The following LRRFIP2 variants were observed in gnomAD, a reference collection of about 807,000 sequenced individuals.
LRRFIP2 encodes the protein leucine-rich repeat flightless-interacting protein 2.
A neutral mutation model predicts 125.9 loss-of-function variants in LRRFIP2; 109 were observed. The observed-to-expected ratio is 0.87, with a 90% CI of 0.74 to 1.01. The LOEUF (loss-of-function observed/expected upper bound fraction) is 1.01, where lower values mean the gene tolerates loss of function less well. LRRFIP2 is among the 50% of genes least tolerant of loss of function. The pLI is 0.00. For missense variants in LRRFIP2, 850 were observed against 862.3 expected (o/e 0.99, Z 0.18); for synonymous variants, 291 against 293.1 (o/e 0.99, Z 0.07).
At chr3:37,126,104 C>T (rs1266448085) in intron 4 of LRRFIP2, among the ~76,000 whole-genome samples, 1 of 152,206 alleles carries the variant, frequency 6.6e-6, no homozygotes, top group Non-Finnish European at 1.5e-5. Context: ...TCTTGGCTTA[C>T]TGCAACCTCC....
chr3:37,094,987 G>C, intron 16 of LRRFIP2, 79 bp from the exon 17 acceptor site: 1 of 886,574 alleles, frequency 1.1e-6, no homozygotes, highest in Non-Finnish European at 1.9e-6. Context: ...ACAGGGCAGG[G>C]TGGTTGGGGG....
chr3:37,110,848 G>T, intron 9 of LRRFIP2, 143 bp downstream of exon 9: 1 of 630,072 alleles, frequency 1.6e-6, no homozygotes. Flanking sequence ...GACTCCCACA[G>T]ACTATATAAA....
rs1036211331 is a variant in LRRFIP2, at chr3:37,129,232, A to G, written c.91-83T>C. 9.5e-5 allele frequency: 110 copies of G among 1,161,282 alleles called. 2 individuals carry two copies. In the East Asian group the frequency reaches 1.9e-3, roughly 20 times the overall value. The allele number at this position is 1,161,282 out of a possible 1,614,324, so 71.9% of individuals were successfully genotyped here. A position where few individuals can be genotyped will look rare whatever the true frequency, so the allele number is the denominator to read the frequency against. ...CAGATTTGAAAATAAAGAATGGGAC[A>G]TTACCACGCAAAAGGGGTGGGCAGG... On this transcript the variant is annotated intron_variant, in intron 2 of 27. Coordinates refer to ENST00000336686, the MANE Select transcript of LRRFIP2 (RefSeq NM_006309.4).
At chr3:37,116,587 A>ATGTGTATACTGACTTATGG (rs1462423107) in intron 6 of LRRFIP2, among the ~76,000 whole-genome samples, 1 of 152,170 alleles carries the variant, frequency 6.6e-6, no homozygotes, top group Non-Finnish European at 1.5e-5. Context: ...ATGAATCTTC[A>ATGTGTATACTGACTTATGG]TGTGTATACT....
At position 37,096,608 on chromosome 3, in the gene LRRFIP2, A is replaced by G. The variant is rs1453771966; in HGVS notation, c.918+8T>C. On this transcript the variant is annotated splice_region_variant and intron_variant, in intron 16 of 27. Transcript: ENST00000336686. Reference sequence around the variant, plus strand: ...TTGAGAATTTCCCTTAGGAATTTACATACTCACTCTTGTATAATTTTCAGC... The same window carrying G: ...TTGAGAATTTCCCTTAGGAATTTACGTACTCACTCTTGTATAATTTTCAGC... 4 of 1,521,582 alleles carry G rather than the reference A, an allele frequency of 2.6e-6. No individual in the cohort carries two copies. Among genetic ancestry groups the G allele is most frequent in the Non-Finnish European group, 3.6e-6 (4 of 1,107,484 alleles). 94.3% of individuals were successfully genotyped at this position (1,521,582 alleles called of 1,614,324 possible). A position where few individuals can be genotyped will look rare whatever the true frequency, so the allele number is the denominator to read the frequency against.
At chr3:37,153,495 C>T (rs2096088780) in intron 1 of LRRFIP2, among the ~76,000 whole-genome samples, 1 of 152,142 alleles carries the variant, frequency 6.6e-6, no homozygotes, top group South Asian at 2.1e-4. Context: ...ACTACTGAGA[C>T]ACTAATCTGA....
intron 25 of LRRFIP2, among the ~76,000 whole-genome samples, chr3:37,056,859 A>C (rs1442871862): frequency 6.6e-6 from 1 of 152,096 alleles, no homozygotes; most frequent in East Asian, 1.9e-4. Flanking sequence ...CTGATTTTTA[A>C]ATTGTTATCC....
intron 17 of LRRFIP2, among the ~76,000 whole-genome samples, chr3:37,092,812 G>A (rs1445574493): frequency 6.6e-6 from 1 of 151,960 alleles, no homozygotes; most frequent in African/African-American, 2.4e-5. Flanking sequence ...ATTTTCACAA[G>A]TAAGACTCCT....
chr3:37,169,178 T>C (rs1342140701), intron 1 of LRRFIP2, among the ~76,000 whole-genome samples: 1 of 152,176 alleles, frequency 6.6e-6, no homozygotes, highest in Non-Finnish European at 1.5e-5. Context: ...AATTACCTAA[T>C]GATGCATTTC....
At chr3:37,153,293 A>C (rs1042919110) in intron 1 of LRRFIP2, among the ~76,000 whole-genome samples, 29 of 152,120 alleles carry the variant, frequency 1.9e-4, no homozygotes, top group African/African-American at 6.3e-4. Context: ...TGGGAGGCTG[A>C]GGTGCAAGAA....
At chr3:37,079,426 A>G (rs966447383) in intron 19 of LRRFIP2, among the ~76,000 whole-genome samples, 1 of 152,218 alleles carries the variant, frequency 6.6e-6, no homozygotes, top group Non-Finnish European at 1.5e-5. Flanking sequence ...TCCACTCCCA[A>G]GTATATACTT....
At chr3:37,087,411 G>A (rs1199231023) in intron 18 of LRRFIP2, among the ~76,000 whole-genome samples, 1 of 152,026 alleles carries the variant, frequency 6.6e-6, no homozygotes, top group East Asian at 1.9e-4. Context: ...GATAGCTCAA[G>A]TACTAGATGC....
chr3:37,077,230 G>A (rs1409120718), intron 19 of LRRFIP2, among the ~76,000 whole-genome samples: 2 of 152,182 alleles, frequency 1.3e-5, no homozygotes, highest in Admixed American at 6.5e-5. Flanking sequence ...TATGCAGTAT[G>A]TTATTTCTAC....
intron 14 of LRRFIP2, among the ~76,000 whole-genome samples, chr3:37,103,799 C>T (rs2094189327): frequency 1.3e-5 from 2 of 152,160 alleles, no homozygotes. Flanking sequence ...TCTTTACTAG[C>T]TTATTTTCCA....
At chr3:37,163,130 C>T (rs1017558002) in intron 1 of LRRFIP2, among the ~76,000 whole-genome samples, 1 of 152,144 alleles carries the variant, frequency 6.6e-6, no homozygotes, top group Non-Finnish European at 1.5e-5. Context: ...CAAACTTTCC[C>T]AATGACTTAT....
intron 18 of LRRFIP2, among the ~76,000 whole-genome samples, chr3:37,086,203 T>A (rs2093035284): frequency 6.6e-6 from 1 of 152,164 alleles, no homozygotes; most frequent in South Asian, 2.1e-4. Context: ...CTATAATCTA[T>A]AATCAAAAAT....
chr3:37,101,250 G>C (rs1170963261), intron 15 of LRRFIP2, among the ~76,000 whole-genome samples: 2 of 151,874 alleles, frequency 1.3e-5, no homozygotes, highest in East Asian at 1.9e-4. Context: ...CCAGCTACTC[G>C]GGAGGCTGAG....
At chr3:37,137,373 C>A (rs896757263) in intron 2 of LRRFIP2, among the ~76,000 whole-genome samples, 1 of 152,106 alleles carries the variant, frequency 6.6e-6, no homozygotes, top group Non-Finnish European at 1.5e-5. Flanking sequence ...CTGAGATCTA[C>A]ATCCTAAGAA....
At chr3:37,110,028 T>G (rs1251088392) in intron 9 of LRRFIP2, among the ~76,000 whole-genome samples, 1 of 152,046 alleles carries the variant, frequency 6.6e-6, no homozygotes, top group African/African-American at 2.4e-5. Flanking sequence ...AAGAGGGTCA[T>G]GGTACCGGGA....
Sources: gnomAD v4.1 joint callset for allele counts (sites outside exome capture counted in the v4.1 genomes callset) on GRCh38, gnomAD v4.1.1 for gene constraint, MANE v1.5 for transcripts, NCBI Gene and HGNC (gene_info 2026-07-23, HGNC 2026-07-21) for gene names.